DHTKD1: variants seen among roughly 807,000 people sequenced by gnomAD.
DHTKD1 encodes the protein 2-oxoadipate dehydrogenase complex component E1.
DHTKD1 carries 78 observed loss-of-function variants against 101.8 expected under a neutral mutation model. The ratio of observed to expected loss-of-function variants is 0.77; its 90% CI spans 0.64 to 0.93. The LOEUF is 0.93. DHTKD1 is among the 40% of genes least tolerant of loss of function. The pLI, the probability that DHTKD1 is intolerant of heterozygous loss-of-function variation, is 0.00. For missense variants in DHTKD1, 1,223 were observed against 1,161.7 expected (o/e 1.05, Z -0.77); for synonymous variants, 462 against 450.3 (o/e 1.03, Z -0.33).
chr10:12,120,100 C>T, intron 15 of DHTKD1, 82 bp from the exon 16 acceptor site: 2 of 1,051,322 alleles, frequency 1.9e-6, no homozygotes, highest in Non-Finnish European at 2.9e-6. Flanking sequence ...GTTGAAAACT[C>T]CATCGTAGGT....
chr10:12,120,721 T>A, intron 16 of DHTKD1, 66 bp from the exon 17 acceptor site: 1 of 1,347,748 alleles, frequency 7.4e-7, no homozygotes, highest in Admixed American at 1.7e-5. Context: ...CACTGTCTTG[T>A]TGGAACTAAG....
intron 5 of DHTKD1, among the ~76,000 whole-genome samples, chr10:12,090,349 A>C (rs1832967585): frequency 6.6e-6 from 1 of 151,638 alleles, no homozygotes; most frequent in South Asian, 2.1e-4. Flanking sequence ...TTTCATTATG[A>C]TATGGCCGGC....
At chr10:12,093,961 A>G (rs1833030156) in intron 6 of DHTKD1, 112 bp from the exon 7 acceptor site, 5 of 942,614 alleles carry the variant, frequency 5.3e-6, no homozygotes, top group East Asian at 2.4e-5. Context: ...AACCAAACCA[A>G]TATCTACCTG....
Position 12,068,988 on chromosome 10 carries a change from C to T in DHTKD1, c.-46C>T. 6.2e-7 allele frequency: 1 copy of T among 1,608,038 alleles called. No individual in the cohort carries two copies. The highest frequency in any genetic ancestry group is 8.5e-7 in the Non-Finnish European group (1 of 1,177,582). On this transcript the variant is annotated 5_prime_UTR_variant, in exon 1 of 17. Coordinates refer to ENST00000263035, the MANE Select transcript of DHTKD1 (RefSeq NM_018706.7). ...CGGATTTACCAGGGCCGGTGGGATC[C>T]CCTCGGGCTCCCGCCTTAGCATGCT... is the stretch of plus-strand genomic sequence containing the variant.
chr10:12,072,964 G>A (rs1157457565), intron 1 of DHTKD1, among the ~76,000 whole-genome samples: 2 of 151,986 alleles, frequency 1.3e-5, no homozygotes, highest in South Asian at 2.1e-4. Flanking sequence ...TCGAACTCCC[G>A]ACCTCAGGTG....
intron 7 of DHTKD1, among the ~76,000 whole-genome samples, chr10:12,096,697 C>G (rs748949548): frequency 9.2e-5 from 14 of 152,214 alleles, no homozygotes; most frequent in Non-Finnish European, 2.1e-4. Flanking sequence ...TCTCTTTTAT[C>G]AGGATTAAAT....
chr10:12,082,082 G>A (rs149391132), intron 2 of DHTKD1, among the ~76,000 whole-genome samples: 2,457 of 151,966 alleles, frequency 0.016, 64 homozygotes, highest in African/African-American at 0.056. Context: ...AGCCTTGATC[G>A]TGCCACTGCA....
Position 12,084,707 on chromosome 10 carries a change from A to G in DHTKD1, c.478A>G (p.Thr160Ala). 1 of 1,614,122 alleles carries G rather than the reference A, an allele frequency of 6.2e-7. No individual in the cohort carries two copies. The highest frequency in any genetic ancestry group is 1.7e-4 in the Middle Eastern group (1 of 6,060). The part of the protein sequence containing the change: ...FEELQKETFT[T>A]EERKHLSKLM... ...GGAACTGCAAAAGGAGACGTTTACC[A>G]CAGAAGAGCGAAAACATCTGTCGAA... is the stretch of plus-strand genomic sequence containing the variant. The change falls in exon 3 of 17, where the codon ACA (threonine) becomes GCA (alanine). Residue 160 changes from threonine (T) to alanine (A), a missense_variant. Coordinates refer to ENST00000263035, the MANE Select transcript of DHTKD1 (RefSeq NM_018706.7).
chr10:12,109,645 C>G (rs1447633094), intron 12 of DHTKD1, among the ~76,000 whole-genome samples: 3 of 151,806 alleles, frequency 2.0e-5, no homozygotes, highest in Non-Finnish European at 2.9e-5. Flanking sequence ...TCTTAGAAAG[C>G]AAGCGAAGGA....
intron 3 of DHTKD1, among the ~76,000 whole-genome samples, chr10:12,086,508 C>T (rs767341957): frequency 2.0e-5 from 3 of 151,496 alleles, no homozygotes; most frequent in South Asian, 2.1e-4. Context: ...CATGAGCCAC[C>T]GCGCCCAGCC....
chr10:12,098,412 G>T (rs1418765530), intron 8 of DHTKD1, among the ~76,000 whole-genome samples: 1 of 152,134 alleles, frequency 6.6e-6, no homozygotes, highest in Non-Finnish European at 1.5e-5. Context: ...TATTGTCTTA[G>T]GATCACTATA....
At chr10:12,071,455 C>A (rs1832649357) in intron 1 of DHTKD1, among the ~76,000 whole-genome samples, 1 of 152,132 alleles carries the variant, frequency 6.6e-6, no homozygotes, top group Admixed American at 6.6e-5. Flanking sequence ...CACATCAAAT[C>A]TTTTTAGTTT....
chr10:12,082,009 T>TC (rs1832828408), intron 2 of DHTKD1, among the ~76,000 whole-genome samples: 1 of 151,446 alleles, frequency 6.6e-6, no homozygotes, highest in Non-Finnish European at 1.5e-5. Context: ...CGCCTATAGT[T>TC]CCAGGCACTC....
rs1832928623 is a variant in DHTKD1 at position 12,087,830 on chromosome 10, G to A, written c.717+101G>A. ...GGTGATAAATGATGGTGATGGTGATGGCCGGGCACTGTGGCTCACACCTGC... is the reference window on the plus strand; with the variant it reads ...GGTGATAAATGATGGTGATGGTGATAGCCGGGCACTGTGGCTCACACCTGC... On this transcript the variant is annotated intron_variant, in intron 4 of 16. Transcript: ENST00000263035. The surrounding 1 kb of genome is among the most constrained non-coding windows in gnomAD (Gnocchi z 5.2). 1 of 1,104,518 alleles carries A rather than the reference G, an allele frequency of 9.1e-7. No homozygotes were observed. The highest frequency in any genetic ancestry group is 1.8e-5 in the South Asian group (1 of 54,920). The allele number at this position is 1,104,518 out of a possible 1,614,324, so 68.4% of individuals were successfully genotyped here.
rs888220728 is a variant in DHTKD1, at chr10:12,087,992, G to T, written c.717+263G>T. ...GCCAAGCATGGTGGCACGCACCCGT[G>T]TTCCCAGCTACTCAGGAGACTGAGG... On this transcript the variant is annotated intron_variant, in intron 4 of 16. Coordinates refer to ENST00000263035, the MANE Select transcript of DHTKD1 (RefSeq NM_018706.7). The surrounding 1 kb of genome is among the most constrained non-coding windows in gnomAD (Gnocchi z 5.2). Among the ~76,000 whole-genome samples, 1 of 152,140 alleles carries T rather than the reference G, an allele frequency of 6.6e-6. No homozygotes were observed. The highest frequency in any genetic ancestry group is 1.5e-5 in the Non-Finnish European group (1 of 68,038).
chr10:12,093,938 A>G (rs1462594513), intron 6 of DHTKD1, 135 bp from the exon 7 acceptor site: 1 of 744,058 alleles, frequency 1.3e-6, no homozygotes, highest in East Asian at 2.5e-5. Flanking sequence ...TGGTCTCCAA[A>G]GCTGGGGTTG....
intron 9 of DHTKD1, 25 bp downstream of exon 9, chr10:12,100,287 G>GTTTTTTTTTTTTTGTTT: frequency 3.7e-5 from 10 of 269,850 alleles, no homozygotes; most frequent in South Asian, 8.4e-5. Flanking sequence ...TTTTTTTTCT[G>GTTTTTTTTTTTTTGTTT]TTTTTTTTTT....
Position 12,101,048 on chromosome 10 carries a change from A to C in DHTKD1, c.1763A>C (p.Asn588Thr). 6.2e-7 allele frequency: 1 copy of C among 1,613,670 alleles called. No homozygotes were observed. Residue 588 changes from asparagine to threonine, a missense_variant, in exon 10 of 17, where the codon AAT becomes ACT. Asn to Thr is a moderately conservative substitution (Grantham distance 65). Coordinates refer to ENST00000263035, the MANE Select transcript of DHTKD1 (RefSeq NM_018706.7). Reference sequence around the variant, plus strand: ...TTTTTCTTGCTTGCTTAAGGTTTTAATGTTCGTCTAAGTGGCCAAGATGTT... The same window carrying C: ...TTTTTCTTGCTTGCTTAAGGTTTTACTGTTCGTCTAAGTGGCCAAGATGTT... The part of the protein sequence containing the change: ...ALGSLLAQGF[N>T]VRLSGQDVGR...
At chr10:12,099,186 T>C (rs1317996948) in intron 8 of DHTKD1, among the ~76,000 whole-genome samples, 1 of 141,762 alleles carries the variant, frequency 7.1e-6, no homozygotes, top group African/African-American at 2.6e-5. Context: ...AAGAGGAAAT[T>C]AAAAAAAAAA....
Sources: allele counts gnomAD v4.1 joint callset (sites outside exome capture counted in the v4.1 genomes callset), GRCh38; gene constraint gnomAD v4.1.1; non-coding constraint Gnocchi (gnomAD v3.1); transcripts MANE v1.5; gene names NCBI Gene and HGNC (gene_info 2026-07-23, HGNC 2026-07-21).